The following TANC1 variants were observed in gnomAD, a reference collection of about 807,000 sequenced individuals.
The protein encoded by TANC1 is protein TANC1.
In TANC1, 77 loss-of-function variants were observed where a neutral mutation model predicts 149.7. That is an observed-to-expected ratio of 0.51 (90% CI 0.43 to 0.62). The LOEUF is 0.62. Among genes scored for constraint, TANC1 ranks in the 20% least tolerant of loss-of-function variants. The pLI is 0.00. For synonymous variants in TANC1, 854 were observed against 925.0 expected, an observed-to-expected ratio of 0.92 and a Z score of 1.39; for missense variants, 1,985 against 2,321.8, an observed-to-expected ratio of 0.85 and a Z score of 2.98.
chr2:159,054,894 G>A (rs1185393169), intron 2 of TANC1, among the ~76,000 whole-genome samples: 3 of 152,192 alleles, frequency 2.0e-5, no homozygotes, highest in African/African-American at 7.2e-5. Context: ...AATGCCTACA[G>A]GTGGAAGAGA....
chr2:159,163,694 AATCT>A, intron 8 of TANC1, 148 bp downstream of exon 8: 5 of 777,928 alleles, frequency 6.4e-6, no homozygotes, highest in Non-Finnish European at 1.0e-5. Context: ...TCAGTTTACT[AATCT>A]GTAAACACAA....
At chr2:159,212,919 C>CA (rs35369711) in intron 19 of TANC1, among the ~76,000 whole-genome samples, 1,311 of 114,896 alleles carry the variant, frequency 0.011, 28 homozygotes, top group African/African-American at 0.041. Context: ...GACACCGTCT[C>CA]AAAAAAAAAA....
At chr2:159,115,991 C>G (rs935486302) in intron 4 of TANC1, among the ~76,000 whole-genome samples, 10 of 152,104 alleles carry the variant, frequency 6.6e-5, no homozygotes, top group African/African-American at 2.4e-4. Context: ...GAGTGCTCCA[C>G]GAAGCCATGC....
chr2:159,038,842 A>G (rs1329600722), intron 2 of TANC1, among the ~76,000 whole-genome samples: 1 of 152,172 alleles, frequency 6.6e-6, no homozygotes, highest in East Asian at 1.9e-4. Flanking sequence ...CAGCTTTGGT[A>G]TCAGGATGAT....
At chr2:159,101,638 T>C (rs2046721693) in intron 4 of TANC1, among the ~76,000 whole-genome samples, 1 of 152,238 alleles carries the variant, frequency 6.6e-6, no homozygotes, top group African/African-American at 2.4e-5. Flanking sequence ...AGTAGTTCTG[T>C]GGCAGTTGCA....
chr2:158,988,855 C>T (rs1051065950), intron 1 of TANC1, among the ~76,000 whole-genome samples: 2 of 152,172 alleles, frequency 1.3e-5, no homozygotes, highest in East Asian at 1.9e-4. Flanking sequence ...CCACCTCCTG[C>T]GGTGCTGCCC....
intron 2 of TANC1, among the ~76,000 whole-genome samples, chr2:159,036,398 T>C (rs1472691885): frequency 6.6e-6 from 1 of 152,166 alleles, no homozygotes; most frequent in Non-Finnish European, 1.5e-5. Context: ...CTAGGGTACG[T>C]GTGCACAATG....
At chr2:159,000,119 G>A (rs547584762) in intron 1 of TANC1, among the ~76,000 whole-genome samples, 47 of 152,150 alleles carry the variant, frequency 3.1e-4, no homozygotes, top group Non-Finnish European at 5.0e-4. Flanking sequence ...CAGGTGAGGT[G>A]GGAGTTGGGT....
In TANC1 at chr2:159,103,916, TAGA is replaced by T. The variant is rs1313801374; in HGVS notation, c.259+6085_259+6087del. Among the ~76,000 whole-genome samples the T allele has an allele frequency of 3.1e-5, 3 of 96,276 alleles. 1 individual carries two copies. The highest frequency in any genetic ancestry group is 8.7e-5 in the Non-Finnish European group (3 of 34,436). 63.2% of individuals were successfully genotyped at this position (96,276 alleles called of 152,430 possible). A position where few individuals can be genotyped will look rare whatever the true frequency, so the allele number is the denominator to read the frequency against. ...ATAATGTGAGTGTGTTCTGATTTCA[TAGA>T]AGGTGTGGGCAGGAGGAGGGCATGG... On this transcript the variant is annotated intron_variant, in intron 4 of 26. Transcript: ENST00000263635.
Position 159,186,998 on chromosome 2 carries a change from A to T in TANC1, c.2716A>T (p.Arg906Trp). The T allele has an allele frequency of 6.2e-7, 1 of 1,614,206 alleles. No homozygotes were observed. The highest frequency in any genetic ancestry group is 1.1e-5 in the South Asian group (1 of 91,082). The change falls in exon 16 of 27, where the codon AGG (arginine) becomes TGG (tryptophan). Residue 906 changes from arginine (R) to tryptophan (W), a missense_variant. Transcript: ENST00000263635. ...EGLSAALASL[R>W]NLYTPNVKVS... ...GCTGTCCGCCGCCCTGGCCTCTCTC[A>T]GGAATCTCTATACTCCCAACGTGAA...
intron 2 of TANC1, among the ~76,000 whole-genome samples, chr2:159,044,271 A>G (rs536963587): frequency 6.6e-6 from 1 of 152,078 alleles, no homozygotes; most frequent in Non-Finnish European, 1.5e-5. Flanking sequence ...ACCAAACCAA[A>G]CAGAACAAAA....
intron 2 of TANC1, chr2:159,004,185 A>G: frequency 6.2e-7 from 1 of 1,612,688 alleles, no homozygotes. Flanking sequence ...AACAAGCCTT[A>G]GGAAGTTAGC....
At chr2:159,102,542 A>G (rs144881470) in intron 4 of TANC1, among the ~76,000 whole-genome samples, 10,342 of 131,506 alleles carry the variant, frequency 0.079, 314 homozygotes, top group Admixed American at 0.15. Context: ...GATTCTCCCA[A>G]CTTGGCCTCC....
At position 159,170,660 on chromosome 2, in the gene TANC1, A is replaced by G; in HGVS notation, c.1206A>G (p.Thr402=). The change falls in exon 10 of 27, where the codon ACA becomes ACG. Residue 402 remains threonine, a synonymous_variant. Coordinates refer to ENST00000263635, the MANE Select transcript of TANC1 (RefSeq NM_033394.3). ...FHQIEENLRN[T]ELAENRGAVV... is the part of the protein sequence containing the mutation. ...AGATAGAAGAAAACTTGAGGAACACAGAACTGGCAGAAAACAGAGGCGCGG... is the reference window on the plus strand; with the variant it reads ...AGATAGAAGAAAACTTGAGGAACACGGAACTGGCAGAAAACAGAGGCGCGG... The G allele has an allele frequency of 6.2e-7, 1 of 1,614,216 alleles. No individual in the cohort carries two copies. The highest frequency in any genetic ancestry group is 8.5e-7 in the Non-Finnish European group (1 of 1,180,044).
rs997475310 is a variant in TANC1, at chr2:159,082,602, T to TG, written c.62-15030dup. 2.0e-5 allele frequency among the ~76,000 whole-genome samples: 3 copies of TG among 152,092 alleles called. No homozygotes were observed. The Middle Eastern group carries it at 0.01, about 517-fold the overall frequency. ...CCCTCGCCTTTCCATCTGGAGCAGA[T>TG]GGGGGAAAAAGCCATGGTAATAGGC... On this transcript the variant is annotated intron_variant, in intron 3 of 26. Coordinates refer to ENST00000263635, the MANE Select transcript of TANC1 (RefSeq NM_033394.3).
At chr2:159,131,953 G>A (rs930849112) in intron 4 of TANC1, among the ~76,000 whole-genome samples, 1 of 152,214 alleles carries the variant, frequency 6.6e-6, no homozygotes, top group Non-Finnish European at 1.5e-5. Flanking sequence ...TGCCTCTGCA[G>A]CCAGCGTCCA....
chr2:159,067,876 A>G (rs1379300801), intron 3 of TANC1, among the ~76,000 whole-genome samples: 1 of 152,232 alleles, frequency 6.6e-6, no homozygotes, highest in African/African-American at 2.4e-5. Flanking sequence ...CAGACACACC[A>G]GACAGGAACA....
intron 2 of TANC1, among the ~76,000 whole-genome samples, chr2:159,062,973 C>CAGAAAAAAAAAA (rs1553534831): frequency 2.4e-5 from 1 of 41,216 alleles, no homozygotes; most frequent in African/African-American, 7.4e-5. Context: ...GACTCCGTCT[C>CAGAAAAAAAAAA]AAAAAAAAAA....
rs146778655 is a variant in TANC1, at chr2:159,104,981, CTTTTTTTTTTTTTTTTTTTTT to C, written c.259+7158_259+7178del. 1.6e-3 allele frequency among the ~76,000 whole-genome samples: 68 copies of C among 43,384 alleles called. 9 individuals carry two copies. The highest frequency in any genetic ancestry group is 1.1e-3 in the East Asian group (1 of 900). 28.5% of individuals were successfully genotyped at this position (43,384 alleles called of 152,430 possible). ...AACATTTCTGATTGTTGGATATTTG[CTTTTTTTTTTTTTTTTTTTTT>C]TTTTTTTTTTGAGATGGAGTCTCGC... On this transcript the variant is annotated intron_variant, in intron 4 of 26. Transcript: ENST00000263635.
Sources: gnomAD v4.1 joint callset for allele counts (sites outside exome capture counted in the v4.1 genomes callset) on GRCh38, gnomAD v4.1.1 for gene constraint, MANE v1.5 for transcripts, NCBI Gene and HGNC (gene_info 2026-07-23, HGNC 2026-07-21) for gene names.